The following NASP variants were observed in gnomAD, a reference collection of about 807,000 sequenced individuals.
NASP encodes NASP histone chaperone.
A neutral mutation model predicts 89.5 loss-of-function variants in NASP; 24 were observed. That is an observed-to-expected ratio of 0.27 (90% CI 0.19 to 0.38). The LOEUF (loss-of-function observed/expected upper bound fraction) is 0.38, where lower values mean the gene tolerates loss of function less well. NASP is among the 10% of genes least tolerant of loss of function. NASP has a pLI of 1.00. For synonymous variants in NASP, 306 were observed against 324.7 expected, an observed-to-expected ratio of 0.94 and a Z score of 0.62; for missense variants, 848 against 921.4, an observed-to-expected ratio of 0.92 and a Z score of 1.03.
At chr1:45,616,916 C>T (rs936319509) in intron 13 of NASP, among the ~76,000 whole-genome samples, 14 of 152,126 alleles carry the variant, frequency 9.2e-5, no homozygotes, top group African/African-American at 3.4e-4. Context: ...GCAGTCTCGG[C>T]TCACTGAAAC....
intron 11 of NASP, 95 bp from the exon 12 acceptor site, chr1:45,616,242 A>C (rs1644103092): frequency 8.8e-7 from 1 of 1,133,914 alleles, no homozygotes; most frequent in Non-Finnish European, 1.3e-6. Context: ...TTCAGGTCTT[A>C]GTCAGTTGTT....
chr1:45,617,302 A>C, intron 13 of NASP, 161 bp from the exon 14 acceptor site: 1 of 710,772 alleles, frequency 1.4e-6, no homozygotes, highest in Non-Finnish European at 2.3e-6. Flanking sequence ...ACATTCTGAG[A>C]GTACAGGTTG....
At chr1:45,617,210 C>T in intron 13 of NASP, 1 of 413,066 alleles carries the variant, frequency 2.4e-6, no homozygotes, top group Non-Finnish European at 4.4e-6. Context: ...ACAGTGATTA[C>T]CATTCACATC....
In NASP at chr1:45,607,549, C is replaced by G; in HGVS notation, c.638C>G (p.Ala213Gly). 6.2e-7 allele frequency: 1 copy of G among 1,613,890 alleles called. No homozygotes were observed. Among genetic ancestry groups the G allele is most frequent in the Non-Finnish European group, 8.5e-7 (1 of 1,179,916 alleles). The change falls in exon 6 of 15, where the codon GCA becomes GGA. Residue 213 changes from alanine to glycine, a missense_variant. Around this residue, in one of 5 missense-constraint regions of NASP, gnomAD observed 464 missense variants for 469.4 expected, o/e 0.99. Coordinates refer to ENST00000350030, the MANE Select transcript of NASP (RefSeq NM_002482.4). ...LDWLTETSEE[A>G]KGGAAPEGPN... ...TGGTTAACTGAAACCTCTGAAGAGG[C>G]AAAAGGAGGAGCAGCACCAGAAGGA...
intron 2 of NASP, among the ~76,000 whole-genome samples, chr1:45,597,782 C>T (rs1643735540): frequency 6.6e-6 from 1 of 152,122 alleles, no homozygotes; most frequent in African/African-American, 2.4e-5. Flanking sequence ...TCCGTTTGTT[C>T]ACAAGATCCC....
chr1:45,613,126 G>T (rs763669124), intron 6 of NASP, 43 bp from the exon 7 acceptor site: 54 of 1,580,246 alleles, frequency 3.4e-5, no homozygotes, highest in Non-Finnish European at 4.5e-5. Context: ...GTCAGAATAC[G>T]TTCTTAGTTA....
Position 45,593,618 on chromosome 1 carries a change from G to T in NASP, c.107+2348G>T, listed in dbSNP as rs186358376. On this transcript the variant is annotated intron_variant, in intron 2 of 14. Transcript: ENST00000350030. The stretch of plus-strand genomic sequence containing the variant: ...AAGTCAGATTTGCTTCAGCTTCAAA[G>T]AACATGTTTATGTAAAATTAAATGA... Among the ~76,000 whole-genome samples, 300 of 146,054 alleles carry T rather than the reference G, an allele frequency of 2.1e-3. 1 individual carries two copies. The highest frequency in any genetic ancestry group is 2.0e-3 in the Non-Finnish European group (133 of 66,922).
At chr1:45,613,317 G>GT in intron 7 of NASP, 69 bp downstream of exon 7, 15 of 1,524,738 alleles carry the variant, frequency 9.8e-6, no homozygotes, top group Non-Finnish European at 1.3e-5. Flanking sequence ...GCTCACTCTT[G>GT]TTGCCTAGGC....
intron 1 of NASP, among the ~76,000 whole-genome samples, chr1:45,585,387 T>TTATA (rs1202970969): frequency 1.3e-5 from 2 of 152,160 alleles, no homozygotes; most frequent in Non-Finnish European, 2.9e-5. Flanking sequence ...CTTTGTTTGT[T>TTATA]TATAGTTAGA....
In NASP at chr1:45,613,158, TTTAC is replaced by T; in HGVS notation, c.1427-8_1427-5del. 6.2e-7 allele frequency: 1 copy of T among 1,600,572 alleles called. No homozygotes were observed. Among genetic ancestry groups the T allele is most frequent in the African/African-American group, 1.4e-5 (1 of 73,952 alleles). On this transcript the variant is annotated splice_region_variant and splice_polypyrimidine_tract_variant and intron_variant, in intron 6 of 14. Coordinates refer to ENST00000350030, the MANE Select transcript of NASP (RefSeq NM_002482.4). ...GTTATATTCTCAATACTGAGGAATT[TTTAC>T]TTGTAGAAACTGAAGGCTCAGAAGA...
Position 45,591,386 on chromosome 1 carries a change from G to T in NASP, c.107+116G>T, listed in dbSNP as rs147585593. Reference sequence around the variant, plus strand: ...TTATTTTTGATAGAGGCAAGGTGTCGCTTTGTTGCTCAGGCCGAAGTGCAG... The same window carrying T: ...TTATTTTTGATAGAGGCAAGGTGTCTCTTTGTTGCTCAGGCCGAAGTGCAG... On this transcript the variant is annotated intron_variant, in intron 2 of 14. Coordinates refer to ENST00000350030, the MANE Select transcript of NASP (RefSeq NM_002482.4). 26 of 725,538 alleles carry T rather than the reference G, an allele frequency of 3.6e-5. No individual in the cohort carries two copies. The African/African-American group carries it at 4.7e-4, about 13-fold the overall frequency. 44.9% of individuals were successfully genotyped at this position (725,538 alleles called of 1,614,324 possible).
intron 1 of NASP, among the ~76,000 whole-genome samples, chr1:45,590,424 C>CACCG (rs1643506922): frequency 6.6e-6 from 1 of 151,272 alleles, no homozygotes. Flanking sequence ...GGTGCACAGG[C>CACCG]ACCGGCCTGG....
At chr1:45,615,226 G>A in intron 10 of NASP, 25 bp downstream of exon 10, 1 of 1,612,582 alleles carries the variant, frequency 6.2e-7, no homozygotes, top group Non-Finnish European at 8.5e-7. Context: ...GCTGCTTCAT[G>A]GTGATGTTGG....
rs149204564 is a variant in NASP at position 45,606,498 on chromosome 1, T to C, written c.316T>C (p.Leu106=). The change falls in exon 5 of 15, where the codon TTG becomes CTG. Residue 106 remains leucine (L), a synonymous_variant. Transcript: ENST00000350030. ...LELARMENGV[L]GNALEGVHVE... ...TTCTCCTAGAATGGAGAATGGTGTG[T>C]TGGGAAACGCCTTGGAAGGTGTGCA... The C allele has an allele frequency of 3.6e-5, 58 of 1,613,562 alleles. No individual in the cohort carries two copies. Among genetic ancestry groups the C allele is most frequent in the African/African-American group, 5.3e-5 (4 of 74,922 alleles).
chr1:45,610,539 C>T (rs562008056), intron 6 of NASP: 1 of 152,296 alleles, frequency 6.6e-6, no homozygotes, highest in African/African-American at 2.4e-5. Flanking sequence ...TGTTTACTGC[C>T]ACCTCTTGAC....
At chr1:45,614,470 G>T in intron 9 of NASP, 104 bp downstream of exon 9, 1 of 884,530 alleles carries the variant, frequency 1.1e-6, no homozygotes, top group Non-Finnish European at 1.9e-6. Context: ...AGATAGGTCT[G>T]TGTTCCCTGT....
chr1:45,591,357 T>G, intron 2 of NASP, 87 bp downstream of exon 2: 1 of 981,138 alleles, frequency 1.0e-6, no homozygotes, highest in Non-Finnish European at 1.5e-6. Flanking sequence ...ATTTTTTAAT[T>G]AATTTATTTT....
chr1:45,587,417 G>A (rs1308750951), intron 1 of NASP, among the ~76,000 whole-genome samples: 3 of 151,474 alleles, frequency 2.0e-5, no homozygotes, highest in African/African-American at 7.3e-5. Context: ...GTGATCAGCC[G>A]GTCTCGGCGT....
At chr1:45,586,228 C>T (rs1252787516) in intron 1 of NASP, among the ~76,000 whole-genome samples, 1 of 144,276 alleles carries the variant, frequency 6.9e-6, no homozygotes, top group Non-Finnish European at 1.5e-5. Context: ...CCCCTGCAGC[C>T]CCTACCGTGC....
Sources: gnomAD v4.1 joint callset for allele counts (sites outside exome capture counted in the v4.1 genomes callset) on GRCh38, gnomAD v4.1.1 for gene constraint, gnomAD v4.1.1 regional missense constraint, MANE v1.5 for transcripts, NCBI Gene and HGNC (gene_info 2026-07-23, HGNC 2026-07-21) for gene names.